Variants in DENND2B observed in about 807,000 individuals in gnomAD.
The protein encoded by DENND2B is DENN domain containing 2B, also known as DENN domain-containing protein 2B.
DENND2B carries 32 observed loss-of-function variants against 116.0 expected under a neutral mutation model. The observed-to-expected ratio is 0.28, with a 90% CI of 0.21 to 0.37. The LOEUF is 0.37. Ranked by LOEUF, DENND2B falls within the 10% of genes least tolerant of loss-of-function variation. The pLI, the probability that DENND2B is intolerant of heterozygous loss-of-function variation, is 1.00. For missense variants in DENND2B, 1,276 were observed against 1,477.7 expected (o/e 0.86, Z 2.24); for synonymous variants, 588 against 583.9 (o/e 1.01, Z -0.10).
chr11:8,889,056 G>A (rs2063994374), intron 1 of DENND2B, among the ~76,000 whole-genome samples: 1 of 152,168 alleles, frequency 6.6e-6, no homozygotes, highest in Non-Finnish European at 1.5e-5. Context: ...ATTACCATAT[G>A]TTCCAGCAAT....
rs1314348279 is a variant in DENND2B at position 8,730,154 on chromosome 11, G to T, written c.1136C>A (p.Ser379Tyr). 2 of 1,614,052 alleles carry T rather than the reference G, an allele frequency of 1.2e-6. No individual in the cohort carries two copies. The highest frequency in any genetic ancestry group is 1.7e-5 in the Admixed American group (1 of 60,008). Reference sequence around the variant, plus strand: ...GACAGGGTTCACAGCGGGATCGAGGGAACTCTTCGATGGCAGCCGCTGGGA... The same window carrying T: ...GACAGGGTTCACAGCGGGATCGAGGTAACTCTTCGATGGCAGCCGCTGGGA... ...PSSQRLPSKS[S>Y]LDPAVNPVPK... is the part of the protein sequence containing the mutation. Residue 379 changes from serine (S) to tyrosine (Y), a missense_variant, in exon 3 of 20, where the codon TCC becomes TAC. By Grantham distance (144) the Ser-to-Tyr change is moderately radical. This residue lies in a region of DENND2B where 856 missense variants were observed against 846.6 expected (regional missense o/e 1.01). Transcript: ENST00000313726. The surrounding 1 kb of genome is among the most constrained non-coding windows in gnomAD (Gnocchi z 4.1).
chr11:8,694,504 A>G, intron 19 of DENND2B: 1 of 466,418 alleles, frequency 2.1e-6, no homozygotes, highest in Non-Finnish European at 4.3e-6. Context: ...ACTGGCTCTA[A>G]TGGCCTTCAT....
intron 1 of DENND2B, among the ~76,000 whole-genome samples, chr11:8,798,266 C>T (rs895142705): frequency 1.3e-5 from 2 of 152,176 alleles, no homozygotes; most frequent in African/African-American, 4.8e-5. Context: ...AAGGAATGCT[C>T]CATAAATATT....
At chr11:8,785,627 T>C (rs925455283) in intron 1 of DENND2B, 1 of 152,162 alleles carries the variant, frequency 6.6e-6, no homozygotes, top group Non-Finnish European at 1.5e-5. Context: ...CATTTCCAGA[T>C]CATGAGCAGT....
chr11:8,823,942 G>A (rs1192261837), intron 4 of DENND2B, among the ~76,000 whole-genome samples: 8 of 136,756 alleles, frequency 5.8e-5, no homozygotes, highest in African/African-American at 8.3e-5. Context: ...TTGCTTTGTC[G>A]CCCAGGCTGG....
At chr11:8,848,080 A>T (rs560519002) in intron 3 of DENND2B, among the ~76,000 whole-genome samples, 7 of 152,256 alleles carry the variant, frequency 4.6e-5, no homozygotes, top group Non-Finnish European at 1.0e-4. Context: ...AAAACTCAGC[A>T]GGCTGAGAAG....
At chr11:8,754,029 G>GCGCACACACACACACACACACACA (rs146486674) in intron 1 of DENND2B, among the ~76,000 whole-genome samples, 20 of 138,828 alleles carry the variant, frequency 1.4e-4, no homozygotes, top group African/African-American at 5.2e-4. Context: ...CCAAAAGCGC[G>GCGCACACACACACACACACACACA]CACACACACA....
chr11:8,718,552 A>C (rs1438704205), intron 4 of DENND2B: 3 of 1,420,964 alleles, frequency 2.1e-6, no homozygotes, highest in African/African-American at 1.4e-5. Context: ...TGACTCTCCT[A>C]CTGTAGTGTC....
chr11:8,866,019 G>A (rs1458133409), intron 2 of DENND2B, among the ~76,000 whole-genome samples: 3 of 152,094 alleles, frequency 2.0e-5, no homozygotes, highest in African/African-American at 7.2e-5. Flanking sequence ...GAGTGCAGTG[G>A]CGCGATCTCG....
intron 4 of DENND2B, among the ~76,000 whole-genome samples, chr11:8,827,406 C>T (rs772529557): frequency 2.0e-5 from 3 of 152,196 alleles, no homozygotes; most frequent in African/African-American, 7.2e-5. Flanking sequence ...AGGAAGTCAA[C>T]GATTTCACAG....
At chr11:8,768,093 G>A (rs925226504) in intron 1 of DENND2B, among the ~76,000 whole-genome samples, 1 of 152,006 alleles carries the variant, frequency 6.6e-6, no homozygotes, top group Non-Finnish European at 1.5e-5. Flanking sequence ...CTGCCAGACC[G>A]GACGAGAGCA....
chr11:8,707,634 A>T lies in DENND2B; in HGVS notation c.2430+143T>A. The T allele has an allele frequency of 1.3e-6, 1 of 793,798 alleles. No individual in the cohort carries two copies. The highest frequency in any genetic ancestry group is 2.0e-6 in the Non-Finnish European group (1 of 500,246). 49.2% of individuals were successfully genotyped at this position (793,798 alleles called of 1,614,324 possible). On this transcript the variant is annotated intron_variant, in intron 12 of 19. Coordinates refer to ENST00000313726, the MANE Select transcript of DENND2B (RefSeq NM_213618.2). The surrounding 1 kb of genome is among the most constrained non-coding windows in gnomAD (Gnocchi z 4.8). ...AGGCCGGGGAATGGGAGGGTGTCAG[A>T]GAGCTCACTGGTACTTGTTCCTGCA...
In DENND2B at chr11:8,730,919, T is replaced by C; in HGVS notation, c.371A>G (p.Asp124Gly). 4 of 1,614,182 alleles carry C rather than the reference T, an allele frequency of 2.5e-6. No individual in the cohort carries two copies. Among genetic ancestry groups the C allele is most frequent in the South Asian group, 1.1e-5 (1 of 91,084 alleles). The change falls in exon 3 of 20, where the codon GAT (aspartate) becomes GGT (glycine). Residue 124 changes from aspartate to glycine, a missense_variant. By Grantham distance (94) the Asp-to-Gly change is moderately conservative. This residue lies in a region of DENND2B where 856 missense variants were observed against 846.6 expected (regional missense o/e 1.01). Coordinates refer to ENST00000313726, the MANE Select transcript of DENND2B (RefSeq NM_213618.2). This position sits in a 1 kb window ranked among gnomAD's most constrained non-coding sequence, Gnocchi z 4.1. ...QKESVQGAAQ[D>G]VAGVAACLPL... ...GAGGCAGGCAGCGACCCCTGCTACATCCTGGGCTGCGCCTTGGACACTTTC... is the reference window on the plus strand; with the variant it reads ...GAGGCAGGCAGCGACCCCTGCTACACCCTGGGCTGCGCCTTGGACACTTTC...
intron 2 of DENND2B, among the ~76,000 whole-genome samples, chr11:8,877,226 C>T (rs550508189): frequency 6.6e-6 from 1 of 150,546 alleles, no homozygotes; most frequent in East Asian, 2.0e-4. Flanking sequence ...GCCTTAGCCT[C>T]CCGAGTAGCT....
chr11:8,772,523 TGA>T (rs2057065801), intron 1 of DENND2B, among the ~76,000 whole-genome samples: 1 of 151,936 alleles, frequency 6.6e-6, no homozygotes. Context: ...TTGGCAAATG[TGA>T]GAGAAAAAAC....
intron 7 of DENND2B, 128 bp from the exon 8 acceptor site, chr11:8,714,170 T>G: frequency 1.1e-6 from 1 of 952,228 alleles, no homozygotes; most frequent in Non-Finnish European, 1.6e-6. Context: ...GGGCCCATGG[T>G]CAGGCATCTG....
At chr11:8,774,319 C>T (rs755061368) in intron 1 of DENND2B, 110 of 985,334 alleles carry the variant, frequency 1.1e-4, no homozygotes, top group Non-Finnish European at 1.3e-4. Context: ...AGGCTGAAGG[C>T]TGCCTTATAG....
intron 2 of DENND2B, among the ~76,000 whole-genome samples, chr11:8,870,672 G>A (rs1473428838): frequency 6.6e-6 from 1 of 151,966 alleles, no homozygotes; most frequent in Non-Finnish European, 1.5e-5. Flanking sequence ...TCGGCACCAG[G>A]CAGCTCTTCA....
chr11:8,699,598 C>T (rs914441477), intron 14 of DENND2B, among the ~76,000 whole-genome samples: 1 of 152,180 alleles, frequency 6.6e-6, no homozygotes, highest in Non-Finnish European at 1.5e-5. Context: ...GGGAAATGTA[C>T]CTGCAAACAG....
Sources: allele counts gnomAD v4.1 joint callset (sites outside exome capture counted in the v4.1 genomes callset), GRCh38; gene constraint gnomAD v4.1.1; regional missense constraint gnomAD v4.1.1; non-coding constraint Gnocchi (gnomAD v3.1); transcripts MANE v1.5; gene names NCBI Gene and HGNC (gene_info 2026-07-23, HGNC 2026-07-21).